ARHGAP20: variants seen among roughly 807,000 people sequenced by gnomAD.
The protein encoded by ARHGAP20 is Rho GTPase activating protein 20, also known as rho GTPase-activating protein 20.
A neutral mutation model predicts 73.7 loss-of-function variants in ARHGAP20; 34 were observed. That is an observed-to-expected ratio of 0.46 (90% CI 0.35 to 0.61). ARHGAP20 has a LOEUF of 0.61. Ranked by LOEUF, ARHGAP20 falls within the 20% of genes least tolerant of loss-of-function variation. ARHGAP20 has a pLI of 0.00. For synonymous variants in ARHGAP20, 523 were observed against 518.2 expected, an observed-to-expected ratio of 1.01 and a Z score of -0.13; for missense variants, 1,314 against 1,420.9, an observed-to-expected ratio of 0.92 and a Z score of 1.21.
intron 1 of ARHGAP20, among the ~76,000 whole-genome samples, chr11:110,703,391 C>T (rs934194165): frequency 6.6e-6 from 1 of 152,062 alleles, no homozygotes; most frequent in Non-Finnish European, 1.5e-5. Context: ...ATTCTGGACC[C>T]TAGTTCTACC....
At chr11:110,607,198 TG>T (rs1555086576) in intron 8 of ARHGAP20, among the ~76,000 whole-genome samples, 1 of 152,248 alleles carries the variant, frequency 6.6e-6, no homozygotes, top group Non-Finnish European at 1.5e-5. Flanking sequence ...GATCTATATA[TG>T]TCAAGTATCA....
intron 2 of ARHGAP20, among the ~76,000 whole-genome samples, chr11:110,688,653 G>A (rs1652674167): frequency 1.3e-5 from 2 of 152,102 alleles, no homozygotes; most frequent in Admixed American, 6.5e-5. Context: ...GTGTTAAACT[G>A]TGAAGATACA....
chr11:110,711,963 C>G, intron 1 of ARHGAP20, 164 bp downstream of exon 1: 1 of 1,253,226 alleles, frequency 8.0e-7, no homozygotes. Flanking sequence ...CGCTGGCCGT[C>G]AAGGGCGGGA....
intron 9 of ARHGAP20, among the ~76,000 whole-genome samples, chr11:110,593,252 G>C (rs1053528174): frequency 1.3e-5 from 2 of 152,102 alleles, no homozygotes; most frequent in Non-Finnish European, 2.9e-5. Context: ...AGTAAGGTAT[G>C]GTTTTATACC....
intron 2 of ARHGAP20, among the ~76,000 whole-genome samples, chr11:110,666,178 T>C (rs1949720578): frequency 6.6e-6 from 1 of 152,070 alleles, no homozygotes; most frequent in African/African-American, 2.4e-5. Context: ...TGCAAGACAT[T>C]GAGAACGATA....
intron 4 of ARHGAP20, among the ~76,000 whole-genome samples, chr11:110,621,366 T>C (rs1258297973): frequency 2.0e-5 from 3 of 152,110 alleles, no homozygotes; most frequent in Non-Finnish European, 4.4e-5. Context: ...CTCGCTCCTC[T>C]TTCTGTAATT....
chr11:110,703,907 A>T (rs1447873887), intron 1 of ARHGAP20, among the ~76,000 whole-genome samples: 1 of 152,208 alleles, frequency 6.6e-6, no homozygotes, highest in African/African-American at 2.4e-5. Context: ...TGATATTTGT[A>T]CAACCATAAC....
chr11:110,697,433 T>G lies in ARHGAP20; in HGVS notation c.106-6804A>C, dbSNP rs867248015. 1.6e-4 allele frequency among the ~76,000 whole-genome samples: 24 copies of G among 152,006 alleles called. No individual in the cohort carries two copies. In the Middle Eastern group the frequency reaches 0.02, roughly 129 times the overall value. On this transcript the variant is annotated intron_variant, in intron 1 of 14. Transcript: ENST00000683387. ...CCCATTTTTTAATGGAGCTGTTTTT[T>G]TCTTGTCGAGTTCTTTCAGTTCCTT...
chr11:110,634,009 A>C (rs1387330123), intron 2 of ARHGAP20, among the ~76,000 whole-genome samples: 1 of 152,214 alleles, frequency 6.6e-6, no homozygotes, highest in Non-Finnish European at 1.5e-5. Context: ...TAAGTTGAAG[A>C]GATGAAGGGA....
At chr11:110,661,273 A>G (rs1949605177) in intron 2 of ARHGAP20, among the ~76,000 whole-genome samples, 2 of 152,194 alleles carry the variant, frequency 1.3e-5, no homozygotes, top group Admixed American at 6.5e-5. Flanking sequence ...ATAATAAATG[A>G]AGAACTTATG....
chr11:110,621,870 G>A (rs1430992400), intron 4 of ARHGAP20, among the ~76,000 whole-genome samples: 3 of 152,194 alleles, frequency 2.0e-5, no homozygotes, highest in East Asian at 1.9e-4. Context: ...GTGGAACAGT[G>A]TTGATATTTT....
intron 13 of ARHGAP20, 137 bp downstream of exon 13, chr11:110,583,411 G>C: frequency 1.3e-6 from 1 of 754,202 alleles, no homozygotes; most frequent in Non-Finnish European, 2.0e-6. Flanking sequence ...CTTTCCTATA[G>C]TCTACCAGTA....
chr11:110,637,978 T>C (rs1185579879), intron 2 of ARHGAP20, among the ~76,000 whole-genome samples: 1 of 151,960 alleles, frequency 6.6e-6, no homozygotes, highest in Non-Finnish European at 1.5e-5. Context: ...GAGAAAGGGG[T>C]ACAGTCATTG....
intron 1 of ARHGAP20, among the ~76,000 whole-genome samples, chr11:110,697,247 C>CT (rs533912315): frequency 2.0e-5 from 3 of 150,720 alleles, no homozygotes; most frequent in Admixed American, 6.6e-5. Context: ...ATGCCAACAA[C>CT]TTTTTTTTTG....
Position 110,580,211 on chromosome 11 carries a change from C to T in ARHGAP20, c.2735G>A (p.Ser912Asn), listed in dbSNP as rs1415848972. 3 of 1,614,110 alleles carry T rather than the reference C, an allele frequency of 1.9e-6. No homozygotes were observed. Among genetic ancestry groups the T allele is most frequent in the Non-Finnish European group, 2.5e-6 (3 of 1,180,058 alleles). ...CTCAGTGTTTTGGTTTGTGGCACTA[C>T]TCTTGCCCACCTCAATCCCCATGAC... The part of the protein sequence containing the change: ...SLVMGIEVGK[S>N]SATNQNTEKV... The change falls in exon 15 of 15, where the codon AGT becomes AAT. Residue 912 changes from serine to asparagine, a missense_variant. By Grantham distance (46) the Ser-to-Asn change is conservative. Transcript: ENST00000683387.
chr11:110,668,761 A>G (rs1311053414), intron 2 of ARHGAP20, among the ~76,000 whole-genome samples: 1 of 152,242 alleles, frequency 6.6e-6, no homozygotes, highest in East Asian at 1.9e-4. Context: ...GAAACCAACA[A>G]ATTCATGCAA....
intron 2 of ARHGAP20, among the ~76,000 whole-genome samples, chr11:110,685,109 A>C (rs1220181817): frequency 6.6e-6 from 1 of 152,184 alleles, no homozygotes; most frequent in Non-Finnish European, 1.5e-5. Context: ...TGAAACAATA[A>C]AATTAAGATC....
chr11:110,579,991 C>T lies in ARHGAP20; in HGVS notation c.2955G>A (p.Arg985=). Residue 985 remains arginine, a synonymous_variant, in exon 15 of 15, where the codon CGG becomes CGA. Transcript: ENST00000683387. ...IDCTFQAQRK[R]EDLSPDFSNA... ...TGCTAAAGTCAGGAGAAAGGTCTTC[C>T]CGTTTTCTCTGAGCCTGAAAAGTGC... 6.2e-7 allele frequency: 1 copy of T among 1,614,156 alleles called. No homozygotes were observed. The highest frequency in any genetic ancestry group is 8.5e-7 in the Non-Finnish European group (1 of 1,180,020).
At chr11:110,677,745 G>A (rs1289486423) in intron 2 of ARHGAP20, among the ~76,000 whole-genome samples, 4 of 152,120 alleles carry the variant, frequency 2.6e-5, no homozygotes, top group Non-Finnish European at 2.9e-5. Flanking sequence ...GCACTGGTAA[G>A]GATGTGGAGA....
Sources: gnomAD v4.1 joint callset for allele counts (sites outside exome capture counted in the v4.1 genomes callset) on GRCh38, gnomAD v4.1.1 for gene constraint, MANE v1.5 for transcripts, NCBI Gene and HGNC (gene_info 2026-07-23, HGNC 2026-07-21) for gene names.